Variants in SMYD3 observed in about 807,000 individuals in gnomAD.
SMYD3 encodes histone-lysine N-methyltransferase SMYD3.
Under a neutral mutation model 57.7 loss-of-function variants are expected in SMYD3, and 36 were observed. That is an observed-to-expected ratio of 0.62 (90% confidence interval 0.48 to 0.82). The LOEUF (loss-of-function observed/expected upper bound fraction) is 0.82, where lower values mean the gene tolerates loss of function less well. Ranked by LOEUF, SMYD3 falls within the 40% of genes least tolerant of loss-of-function variation. SMYD3 has a pLI of 0.00. For missense variants in SMYD3, 515 were observed against 538.8 expected (o/e 0.96, Z 0.44); for synonymous variants, 211 against 195.0 (o/e 1.08, Z -0.68).
intron 11 of SMYD3, among the ~76,000 whole-genome samples, chr1:245,753,524 G>A (rs975940527): frequency 6.6e-6 from 1 of 152,210 alleles, no homozygotes; most frequent in Non-Finnish European, 1.5e-5. Flanking sequence ...TCCTTGTCTT[G>A]AACATCACCT....
intron 10 of SMYD3, among the ~76,000 whole-genome samples, chr1:245,778,067 T>C (rs1007764417): frequency 1.3e-5 from 2 of 152,112 alleles, no homozygotes; most frequent in Non-Finnish European, 2.9e-5. Context: ...AACTACCATT[T>C]AAAAATGAAG....
chr1:246,062,398 T>C (rs975278579), intron 5 of SMYD3, among the ~76,000 whole-genome samples: 3 of 152,196 alleles, frequency 2.0e-5, no homozygotes, highest in Non-Finnish European at 4.4e-5. Flanking sequence ...TGACTGCAAT[T>C]ACAGAACTCC....
Position 246,327,214 on chromosome 1 carries a change from T to G in SMYD3, c.518A>C (p.Glu173Ala). 6.2e-7 allele frequency: 1 copy of G among 1,613,962 alleles called. No individual in the cohort carries two copies. Among genetic ancestry groups the G allele is most frequent in the East Asian group, 2.2e-5 (1 of 44,884 alleles). Reference protein sequence around the residue: ...SQLPPAFDLFEAFAKVICNSF... With the variant: ...SQLPPAFDLFAAFAKVICNSF... ...CTTAACACTTACTTTTGCAAAGGCT[T>G]CAAAAAGGTCAAAGGCAGGTGGCAG... Residue 173 changes from glutamate to alanine, a missense_variant, in exon 5 of 12, where the codon GAA becomes GCA. Physicochemically the swap from Glu to Ala is moderately radical, Grantham distance 107 (BLOSUM62 -1). Coordinates refer to ENST00000490107, the MANE Select transcript of SMYD3 (RefSeq NM_001167740.2).
At chr1:246,375,334 T>A (rs1309079176) in intron 1 of SMYD3, among the ~76,000 whole-genome samples, 1 of 142,742 alleles carries the variant, frequency 7.0e-6, no homozygotes, top group Admixed American at 7.0e-5. Context: ...ACTTTTTTTT[T>A]TTTTTTTTTT....
At chr1:246,244,228 G>A (rs575293440) in intron 5 of SMYD3, among the ~76,000 whole-genome samples, 1 of 152,088 alleles carries the variant, frequency 6.6e-6, no homozygotes, top group Admixed American at 6.5e-5. Flanking sequence ...CCTAAAAGAG[G>A]CCAAGGACAC....
At chr1:246,068,353 G>T (rs990438473) in intron 5 of SMYD3, among the ~76,000 whole-genome samples, 7 of 151,108 alleles carry the variant, frequency 4.6e-5, no homozygotes, top group Admixed American at 3.3e-4. Context: ...CTGTTAAAAG[G>T]GTACAAATAT....
chr1:245,750,866 T>C (rs753743432), intron 11 of SMYD3, among the ~76,000 whole-genome samples: 1 of 152,002 alleles, frequency 6.6e-6, no homozygotes, highest in Non-Finnish European at 1.5e-5. Context: ...GCACTGAGGC[T>C]CTCAGCCTTA....
chr1:246,271,881 G>A (rs888428293), intron 5 of SMYD3, among the ~76,000 whole-genome samples: 1 of 152,038 alleles, frequency 6.6e-6, no homozygotes, highest in Non-Finnish European at 1.5e-5. Context: ...AGAGGCCTTT[G>A]GGTAGGTAAT....
intron 1 of SMYD3, among the ~76,000 whole-genome samples, chr1:246,419,339 T>A (rs1240692520): frequency 2.0e-5 from 3 of 152,196 alleles, no homozygotes; most frequent in African/African-American, 7.2e-5. Flanking sequence ...GGTGGTCTCT[T>A]CACATGGACA....
intron 5 of SMYD3, among the ~76,000 whole-genome samples, chr1:246,131,040 A>G (rs1306692849): frequency 6.6e-6 from 1 of 152,140 alleles, no homozygotes; most frequent in East Asian, 1.9e-4. Flanking sequence ...GGGCTCAGGA[A>G]CCTTCCTTGT....
intron 5 of SMYD3, among the ~76,000 whole-genome samples, chr1:246,313,821 A>G (rs931368149): frequency 6.6e-6 from 1 of 152,118 alleles, no homozygotes; most frequent in Admixed American, 6.5e-5. Flanking sequence ...TTTATAGCAT[A>G]GAAAATGTTT....
chr1:245,932,645 G>A (rs1305057462), intron 5 of SMYD3, among the ~76,000 whole-genome samples: 3 of 152,062 alleles, frequency 2.0e-5, no homozygotes, highest in East Asian at 1.9e-4. Flanking sequence ...CTGCAGCCTC[G>A]AACTCCGGAG....
At chr1:245,823,507 T>TC (rs1021705158) in intron 10 of SMYD3, among the ~76,000 whole-genome samples, 4 of 152,218 alleles carry the variant, frequency 2.6e-5, no homozygotes, top group African/African-American at 9.6e-5. Flanking sequence ...CTGGGCCAAA[T>TC]GCATTGTTCA....
intron 10 of SMYD3, among the ~76,000 whole-genome samples, chr1:245,785,026 G>T (rs904802007): frequency 3.4e-4 from 51 of 150,044 alleles, no homozygotes; most frequent in African/African-American, 1.1e-3. Flanking sequence ...ATTGTTTTGG[G>T]TTTTAGTAAA....
At chr1:246,328,671 TTTTTA>T (rs1220997533) in intron 4 of SMYD3, among the ~76,000 whole-genome samples, 4 of 151,632 alleles carry the variant, frequency 2.6e-5, no homozygotes, top group Non-Finnish European at 5.9e-5. Flanking sequence ...AATATATGTT[TTTTTA>T]TTTTATTTAT....
chr1:245,796,296 C>T (rs778716575), intron 10 of SMYD3, among the ~76,000 whole-genome samples: 50 of 151,620 alleles, frequency 3.3e-4, no homozygotes, highest in African/African-American at 9.9e-4. Flanking sequence ...CTTATTGGGA[C>T]GAATTGGGAT....
rs958329195 is a variant in SMYD3 at position 245,955,993 on chromosome 1, G to T, written c.532-26056C>A. On this transcript the variant is annotated intron_variant, in intron 5 of 11. Coordinates refer to ENST00000490107, the MANE Select transcript of SMYD3 (RefSeq NM_001167740.2). ...GTCTTCTAGGAGGCGCTTATGAAGA[G>T]AATTTCCATAGGAACACTGTTTGTA... 5.1e-6 allele frequency: 5 copies of T among 985,064 alleles called. No homozygotes were observed. The East Asian group carries it at 4.5e-4, about 89-fold the overall frequency. The allele number at this position is 985,064 out of a possible 1,614,324, so 61.0% of individuals were successfully genotyped here.
chr1:246,000,332 A>AC (rs1226827707), intron 5 of SMYD3, among the ~76,000 whole-genome samples: 1 of 152,092 alleles, frequency 6.6e-6, no homozygotes, highest in Non-Finnish European at 1.5e-5. Context: ...GTGGGAAGAG[A>AC]CAACAGAAAG....
chr1:246,007,243 G>C (rs976868499), intron 5 of SMYD3, among the ~76,000 whole-genome samples: 1 of 152,184 alleles, frequency 6.6e-6, no homozygotes, highest in African/African-American at 2.4e-5. Flanking sequence ...AAGCATGTGC[G>C]TTTGTCTTTG....
Sources: gnomAD v4.1 joint callset for allele counts (sites outside exome capture counted in the v4.1 genomes callset) on GRCh38, gnomAD v4.1.1 for gene constraint, MANE v1.5 for transcripts, NCBI Gene and HGNC (gene_info 2026-07-23, HGNC 2026-07-21) for gene names.